Variants in VAV3 observed in about 807,000 individuals in gnomAD.
VAV3 encodes vav guanine nucleotide exchange factor 3.
A neutral mutation model predicts 131.2 loss-of-function variants in VAV3; 94 were observed. That is an observed-to-expected ratio of 0.72 (90% CI 0.61 to 0.85). The LOEUF (loss-of-function observed/expected upper bound fraction) is 0.85. Ranked by LOEUF, VAV3 falls within the 40% of genes least tolerant of loss-of-function variation. The pLI, the probability that VAV3 is intolerant of heterozygous loss-of-function variation, is 0.00. For missense variants in VAV3, 939 were observed against 1,002.7 expected, an observed-to-expected ratio of 0.94 and a Z score of 0.86; for synonymous variants, 349 against 342.0, an observed-to-expected ratio of 1.02 and a Z score of -0.22.
intron 22 of VAV3, among the ~76,000 whole-genome samples, chr1:107,606,806 T>C (rs1263498033): frequency 2.1e-5 from 3 of 143,250 alleles, no homozygotes; most frequent in East Asian, 2.0e-4. Context: ...GTTTCTTCTT[T>C]TTTTTTTTTT....
At chr1:107,669,430 G>A in intron 19 of VAV3, 1 of 1,289,644 alleles carries the variant, frequency 7.8e-7, no homozygotes. Context: ...GCTTCTAGTA[G>A]CAGGGGCCAT....
intron 2 of VAV3, among the ~76,000 whole-genome samples, chr1:107,839,579 AT>A (rs1668607532): frequency 6.6e-6 from 1 of 152,106 alleles, no homozygotes; most frequent in Non-Finnish European, 1.5e-5. Context: ...ACCAGAAAAA[AT>A]ATCTAAAATT....
intron 2 of VAV3, among the ~76,000 whole-genome samples, chr1:107,869,152 A>G (rs1670137619): frequency 6.6e-6 from 1 of 152,172 alleles, no homozygotes; most frequent in Non-Finnish European, 1.5e-5. Context: ...AACCATCACT[A>G]TGTGGTCAAA....
At chr1:107,683,420 A>T in intron 19 of VAV3, 68 bp downstream of exon 19, 2 of 1,568,238 alleles carry the variant, frequency 1.3e-6, no homozygotes, top group South Asian at 1.1e-5. Flanking sequence ...TTTCCACAGC[A>T]ATTCCCATAT....
intron 9 of VAV3, 83 bp from the exon 10 acceptor site, chr1:107,760,962 A>G (rs1664377753): frequency 1.2e-6 from 1 of 816,536 alleles, no homozygotes; most frequent in Admixed American, 2.5e-5. Context: ...CAGTTATTAT[A>G]CAATAAATGA....
At chr1:107,663,190 G>A (rs895385532) in intron 19 of VAV3, among the ~76,000 whole-genome samples, 1 of 152,104 alleles carries the variant, frequency 6.6e-6, no homozygotes, top group Non-Finnish European at 1.5e-5. Flanking sequence ...AATGCAAAGT[G>A]TATTCAGTAA....
At chr1:107,926,453 C>CA (rs1673164352) in intron 1 of VAV3, among the ~76,000 whole-genome samples, 1 of 152,118 alleles carries the variant, frequency 6.6e-6, no homozygotes, top group Non-Finnish European at 1.5e-5. Context: ...ACTAACTACA[C>CA]AAAAAATCAC....
At position 107,871,797 on chromosome 1, in the gene VAV3, A is replaced by T. The variant is rs137985643; in HGVS notation, c.321+3104T>A. Among the ~76,000 whole-genome samples the T allele has an allele frequency of 9.7e-4, 147 of 152,262 alleles. 1 individual carries two copies. The highest frequency in any genetic ancestry group is 3.2e-3 in the African/African-American group (131 of 41,564). The stretch of plus-strand genomic sequence containing the variant: ...TCTCCTAAACCCCAAACAGAGGGAG[A>T]GCTTGGACAAAGTTTAGTGAGCAGA... On this transcript the variant is annotated intron_variant, in intron 2 of 26. Transcript: ENST00000370056.
chr1:107,614,674 T>C (rs754668000), intron 21 of VAV3, among the ~76,000 whole-genome samples: 16 of 152,136 alleles, frequency 1.1e-4, no homozygotes, highest in Non-Finnish European at 2.1e-4. Context: ...TACAGGCTGA[T>C]TTAATTAGTA....
chr1:107,835,908 C>T (rs1668457954), intron 2 of VAV3, among the ~76,000 whole-genome samples: 1 of 152,226 alleles, frequency 6.6e-6, no homozygotes, highest in Non-Finnish European at 1.5e-5. Flanking sequence ...GCAATCTAAC[C>T]TTCAGCTCAG....
At chr1:107,812,463 T>C (rs1251896941) in intron 2 of VAV3, among the ~76,000 whole-genome samples, 4 of 152,070 alleles carry the variant, frequency 2.6e-5, no homozygotes, top group Non-Finnish European at 5.9e-5. Context: ...TTCCAAAGAA[T>C]AGGAATAGTG....
chr1:107,925,925 C>T (rs77915194), intron 1 of VAV3, among the ~76,000 whole-genome samples: 5,047 of 126,748 alleles, frequency 0.04, 120 homozygotes, highest in South Asian at 0.15. Flanking sequence ...ATATAACATA[C>T]GTATATATAA....
At chr1:107,610,074 C>A in intron 21 of VAV3, 109 bp from the exon 22 acceptor site, 1 of 956,798 alleles carries the variant, frequency 1.0e-6, no homozygotes, top group Non-Finnish European at 1.7e-6. Flanking sequence ...CTAAGTGGCA[C>A]AGTCCTGGAA....
At chr1:107,954,364 A>G (rs1012791684) in intron 1 of VAV3, among the ~76,000 whole-genome samples, 1 of 152,240 alleles carries the variant, frequency 6.6e-6, no homozygotes, top group East Asian at 1.9e-4. Context: ...TAAAAGGCTA[A>G]AAAGGAACAG....
At chr1:107,957,881 T>TAA (rs11413288) in intron 1 of VAV3, among the ~76,000 whole-genome samples, 39 of 142,250 alleles carry the variant, frequency 2.7e-4, no homozygotes, top group African/African-American at 7.9e-4. Context: ...TTCTCCATCT[T>TAA]AAAAAAAAAA....
At chr1:107,729,306 A>T (rs2101960597) in intron 15 of VAV3, among the ~76,000 whole-genome samples, 1 of 152,312 alleles carries the variant, frequency 6.6e-6, no homozygotes, top group Non-Finnish European at 1.5e-5. Flanking sequence ...ATTCTGACCA[A>T]CAAGTCATTA....
intron 1 of VAV3, among the ~76,000 whole-genome samples, chr1:107,960,974 ACAGT>A (rs921493215): frequency 3.4e-4 from 51 of 151,774 alleles, no homozygotes; most frequent in African/African-American, 1.2e-3. Flanking sequence ...AATAAATTAT[ACAGT>A]CATTTATTTA....
At chr1:107,669,486 G>A (rs763397560) in intron 19 of VAV3, 1 of 1,281,674 alleles carries the variant, frequency 7.8e-7, no homozygotes, top group Admixed American at 2.4e-5. Flanking sequence ...ATAAAGACAA[G>A]AAAGAAATAA....
chr1:107,661,465 T>C (rs1453933769), intron 19 of VAV3, among the ~76,000 whole-genome samples: 3 of 152,208 alleles, frequency 2.0e-5, no homozygotes, highest in African/African-American at 7.2e-5. Flanking sequence ...TTTGTTCAAC[T>C]GTGTTTCTGA....
Sources: gnomAD v4.1 joint callset for allele counts (sites outside exome capture counted in the v4.1 genomes callset) on GRCh38, gnomAD v4.1.1 for gene constraint, MANE v1.5 for transcripts, NCBI Gene and HGNC (gene_info 2026-07-23, HGNC 2026-07-21) for gene names.